The following WDR47 variants were observed in gnomAD, a reference collection of about 807,000 sequenced individuals.
WDR47 encodes WD repeat-containing protein 47.
Under a neutral mutation model 97.2 loss-of-function variants are expected in WDR47, and 32 were observed. The ratio of observed to expected loss-of-function variants is 0.33; its 90% CI spans 0.25 to 0.44. The LOEUF (loss-of-function observed/expected upper bound fraction) is 0.44. Among genes scored for constraint, WDR47 ranks in the 20% least tolerant of loss-of-function variants. WDR47 has a pLI of 1.00. For missense variants in WDR47, 782 were observed against 1,102.3 expected (o/e 0.71, Z 4.11); for synonymous variants, 375 against 373.5 (o/e 1.00, Z -0.05).
Position 109,002,309 on chromosome 1 carries a change from A to G in WDR47, c.1348T>C (p.Tyr450His). 6.2e-7 allele frequency: 1 copy of G among 1,613,390 alleles called. No individual in the cohort carries two copies. The highest frequency in any genetic ancestry group is 8.5e-7 in the Non-Finnish European group (1 of 1,179,940). ...CCTCCTTCAAGCAACATCTGTTGGTATATCTGCCGCTGTTGCTCCTTCTGT... is the reference window on the plus strand; with the variant it reads ...CCTCCTTCAAGCAACATCTGTTGGTGTATCTGCCGCTGTTGCTCCTTCTGT... ...LEQKEQQRQI[Y>H]QQMLLEGGVN... The change falls in exon 7 of 15, where the codon TAC becomes CAC. Residue 450 changes from tyrosine to histidine, a missense_variant. Physicochemically the swap from Tyr to His is moderately conservative, Grantham distance 83. Around this residue, in one of 3 missense-constraint regions of WDR47, gnomAD observed 428 missense variants for 584.3 expected, o/e 0.73. Coordinates refer to ENST00000369962, the MANE Select transcript of WDR47 (RefSeq NM_001142551.2).
At chr1:108,986,798 A>C (rs1245502099) in intron 9 of WDR47, 118 bp from the exon 10 acceptor site, 2 of 819,622 alleles carry the variant, frequency 2.4e-6, no homozygotes, top group Non-Finnish European at 3.7e-6. Flanking sequence ...TGTTAGGTTT[A>C]CTGCCAATAA....
intron 7 of WDR47, among the ~76,000 whole-genome samples, chr1:108,999,372 A>ATT (rs1483389494): frequency 1.3e-5 from 2 of 152,054 alleles, no homozygotes; most frequent in Non-Finnish European, 2.9e-5. Flanking sequence ...AAACAAAACA[A>ATT]TAAATACACT....
intron 6 of WDR47, among the ~76,000 whole-genome samples, 196 bp from the exon 7 acceptor site, chr1:109,002,598 C>T (rs931188763): frequency 3.3e-5 from 5 of 152,074 alleles, no homozygotes; most frequent in African/African-American, 1.2e-4. Context: ...CTTTATTCCA[C>T]GGAAACAGAC....
intron 1 of WDR47, chr1:109,030,184 A>G (rs1662521967): frequency 1.4e-6 from 2 of 1,480,128 alleles, no homozygotes. Flanking sequence ...TGCCCAGGAT[A>G]ATATAAATCA....
At chr1:109,024,625 T>C (rs542187578) in intron 1 of WDR47, among the ~76,000 whole-genome samples, 127 of 152,298 alleles carry the variant, frequency 8.3e-4, no homozygotes, top group African/African-American at 2.9e-3. Flanking sequence ...TATAAGATCA[T>C]TTGTTCAACA....
At chr1:108,992,762 G>C (rs1260526176) in intron 8 of WDR47, 1 of 1,596,774 alleles carries the variant, frequency 6.3e-7, no homozygotes. Flanking sequence ...TCCTAAACCA[G>C]AAGAGGAGGT....
intron 2 of WDR47, among the ~76,000 whole-genome samples, chr1:109,021,417 AC>A (rs1661827828): frequency 6.6e-6 from 1 of 151,550 alleles, no homozygotes; most frequent in Non-Finnish European, 1.5e-5. Context: ...AGTCCCAGCT[AC>A]CTGGGAGGCT....
At chr1:109,032,163 A>G (rs928858988) in intron 1 of WDR47, among the ~76,000 whole-genome samples, 1 of 138,848 alleles carries the variant, frequency 7.2e-6, no homozygotes, top group African/African-American at 2.6e-5. Flanking sequence ...CAAACCCAGA[A>G]ATTTTTAAAC....
chr1:109,035,314 T>C (rs936494764), intron 1 of WDR47, among the ~76,000 whole-genome samples: 2 of 149,492 alleles, frequency 1.3e-5, no homozygotes, highest in African/African-American at 4.9e-5. Context: ...CTGTTCAGTG[T>C]GATTATCTCT....
chr1:108,984,693 C>T (rs888966318), intron 10 of WDR47, among the ~76,000 whole-genome samples: 2 of 152,086 alleles, frequency 1.3e-5, no homozygotes, highest in Non-Finnish European at 2.9e-5. Context: ...TCCTGGCCAA[C>T]ATGGTGAAAC....
rs777169386 is a variant in WDR47, at chr1:108,995,619, T to G, written c.1652A>C (p.His551Pro). The G allele has an allele frequency of 2.5e-6, 4 of 1,614,170 alleles. No individual in the cohort carries two copies. In the Admixed American group the frequency reaches 6.7e-5, roughly 27 times the overall value. Residue 551 changes from histidine (H) to proline (P), a missense_variant, in exon 8 of 15, where the codon CAC (histidine) becomes CCC (proline). His to Pro is a moderately conservative substitution (Grantham distance 77, BLOSUM62 -2). Transcript: ENST00000369962. ...STPRNPGSTN[H>P]IPFLEESPCG... The stretch of plus-strand genomic sequence containing the variant: ...AGGTGATTCCTCCAGAAAAGGTATG[T>G]GATTTGTTGATCCAGGATTACGAGG...
intron 14 of WDR47, among the ~76,000 whole-genome samples, chr1:108,971,970 G>T (rs183561650): frequency 1.3e-5 from 2 of 152,120 alleles, no homozygotes; most frequent in East Asian, 1.9e-4. Flanking sequence ...TAGCAACATG[G>T]CCATTTATAT....
In WDR47 at chr1:109,025,348, T is replaced by C. The variant is rs544945269; in HGVS notation, c.-9-1827A>G. Reference sequence around the variant, plus strand: ...CAGGAGGCTGAGGTGGAAAGATCACTGGAGCCCCAGAAGTTGAGGCTACAG... The same window carrying C: ...CAGGAGGCTGAGGTGGAAAGATCACCGGAGCCCCAGAAGTTGAGGCTACAG... On this transcript the variant is annotated intron_variant, in intron 1 of 14. Coordinates refer to ENST00000369962, the MANE Select transcript of WDR47 (RefSeq NM_001142551.2). Among the ~76,000 whole-genome samples the C allele has an allele frequency of 4.0e-5, 6 of 149,474 alleles. No individual in the cohort carries two copies. In the East Asian group the frequency reaches 1.2e-3, roughly 30 times the overall value.
intron 6 of WDR47, among the ~76,000 whole-genome samples, chr1:109,003,040 T>G (rs546539362): frequency 6.6e-6 from 1 of 152,330 alleles, no homozygotes; most frequent in South Asian, 2.1e-4. Context: ...AAGTGTATGT[T>G]TATCGCAGCA....
intron 7 of WDR47, among the ~76,000 whole-genome samples, chr1:108,996,909 G>C (rs1395403085): frequency 6.6e-6 from 1 of 152,008 alleles, no homozygotes; most frequent in African/African-American, 2.4e-5. Context: ...CTTGAGGTCA[G>C]GTTCGAGACC....
At chr1:109,030,821 A>G (rs1161923553) in intron 1 of WDR47, among the ~76,000 whole-genome samples, 1 of 137,636 alleles carries the variant, frequency 7.3e-6, no homozygotes, top group Non-Finnish European at 1.6e-5. Flanking sequence ...CATTCAAAAA[A>G]CTTTATGTTG....
chr1:109,030,210 A>T (rs1662523567), intron 1 of WDR47: 10 of 1,549,420 alleles, frequency 6.5e-6, no homozygotes, highest in Middle Eastern at 4.7e-4. Context: ...GTCTTTAGCC[A>T]TGCACAAATG....
intron 13 of WDR47, among the ~76,000 whole-genome samples, chr1:108,979,691 C>T (rs1006762297): frequency 1.3e-5 from 2 of 152,094 alleles, no homozygotes; most frequent in South Asian, 4.1e-4. Flanking sequence ...TAAATAAATA[C>T]GAATATTTCC....
At position 108,981,718 on chromosome 1, in the gene WDR47, T is replaced by C. The variant is rs779928378; in HGVS notation, c.2398+15A>G. 27 of 1,605,490 alleles carry C rather than the reference T, an allele frequency of 1.7e-5. No homozygotes were observed. The East Asian group carries it at 5.6e-4, about 33-fold the overall frequency. ...AAGTTTTTTTCCCATATATATCATTTAAAGAAAAACCTACCAGTTCCATGA... is the reference window on the plus strand; with the variant it reads ...AAGTTTTTTTCCCATATATATCATTCAAAGAAAAACCTACCAGTTCCATGA... On this transcript the variant is annotated intron_variant, in intron 13 of 14. Coordinates refer to ENST00000369962, the MANE Select transcript of WDR47 (RefSeq NM_001142551.2).
Sources: allele counts gnomAD v4.1 joint callset (sites outside exome capture counted in the v4.1 genomes callset), GRCh38; gene constraint gnomAD v4.1.1; regional missense constraint gnomAD v4.1.1; transcripts MANE v1.5; gene names NCBI Gene and HGNC (gene_info 2026-07-23, HGNC 2026-07-21).